CD44: variants seen among roughly 807,000 people sequenced by gnomAD.
CD44 encodes CD44 antigen.
A neutral mutation model predicts 88.8 loss-of-function variants in CD44; 49 were observed. That is an observed-to-expected ratio of 0.55 (90% CI 0.44 to 0.70). The LOEUF (loss-of-function observed/expected upper bound fraction) is 0.70, where lower values mean the gene tolerates loss of function less well. CD44 is among the 30% of genes least tolerant of loss of function. The probability of loss-of-function intolerance (pLI) is 0.00; values close to 1 mark genes in which losing one functional copy is unlikely to be tolerated. For missense variants in CD44, 883 were observed against 913.8 expected, an observed-to-expected ratio of 0.97 and a Z score of 0.43; for synonymous variants, 325 against 312.3, an observed-to-expected ratio of 1.04 and a Z score of -0.43.
chr11:35,211,670 TTGCA>T (rs1948400316), intron 14 of CD44, among the ~76,000 whole-genome samples: 1 of 100,668 alleles, frequency 9.9e-6, no homozygotes, highest in African/African-American at 5.8e-5. Context: ...TTGTCTGTGT[TTGCA>T]TGTGTGTGTG....
At chr11:35,188,945 A>T (rs140959562) in intron 4 of CD44, among the ~76,000 whole-genome samples, 2,134 of 152,254 alleles carry the variant, frequency 0.014, 20 homozygotes, top group Non-Finnish European at 0.02. Flanking sequence ...CTCGAAAAAA[A>T]AAAAAAGTTT....
chr11:35,163,328 G>A (rs1942875898), intron 1 of CD44, among the ~76,000 whole-genome samples: 1 of 151,968 alleles, frequency 6.6e-6, no homozygotes, highest in South Asian at 2.1e-4. Context: ...CTTGCATTCG[G>A]ATAAGCTTCT....
intron 17 of CD44, 125 bp downstream of exon 17, chr11:35,221,857 A>C: frequency 1.2e-6 from 1 of 858,632 alleles, no homozygotes; most frequent in Non-Finnish European, 2.0e-6. Context: ...AGTTTGTTGG[A>C]AATGCACAAT....
At chr11:35,189,147 T>C (rs1309109639) in intron 4 of CD44, among the ~76,000 whole-genome samples, 1 of 152,210 alleles carries the variant, frequency 6.6e-6, no homozygotes, top group Admixed American at 6.5e-5. Flanking sequence ...TCTAGTCATT[T>C]GTTGAAACCA....
At chr11:35,179,011 T>G (rs1286347277) in intron 2 of CD44, among the ~76,000 whole-genome samples, 1 of 152,172 alleles carries the variant, frequency 6.6e-6, no homozygotes, top group Admixed American at 6.5e-5. Flanking sequence ...CTCTTAGATA[T>G]ATGAAAACTT....
At chr11:35,152,776 G>T (rs1489928828) in intron 1 of CD44, among the ~76,000 whole-genome samples, 1 of 152,126 alleles carries the variant, frequency 6.6e-6, no homozygotes, top group African/African-American at 2.4e-5. Flanking sequence ...TCTTGGTTGT[G>T]CCACTTCCTA....
chr11:35,202,753 CA>C (rs1947434602), intron 9 of CD44, among the ~76,000 whole-genome samples: 1 of 152,126 alleles, frequency 6.6e-6, no homozygotes, highest in Non-Finnish European at 1.5e-5. Flanking sequence ...ATATATCCAG[CA>C]GATCTTACAT....
chr11:35,214,770 A>G (rs1479030265), intron 14 of CD44, 82 bp from the exon 15 acceptor site: 2 of 748,130 alleles, frequency 2.7e-6, no homozygotes, highest in Non-Finnish European at 4.1e-6. Context: ...GATAGGCTGT[A>G]TAAGAATGCA....
Position 35,195,974 on chromosome 11 carries a change from C to T in CD44, c.668-772C>T, listed in dbSNP as rs12420308. Among the ~76,000 whole-genome samples the T allele has an allele frequency of 7.2e-5, 11 of 152,180 alleles. No individual in the cohort carries two copies. The East Asian group carries it at 1.9e-3, about 27-fold the overall frequency. On this transcript the variant is annotated intron_variant, in intron 5 of 17. Transcript: ENST00000428726. ...CAATCTTCTACTTCTATGTCATTTTCCCTGTGTGTTGGATTGCTAAGATTA... is the reference window on the plus strand; with the variant it reads ...CAATCTTCTACTTCTATGTCATTTTTCCTGTGTGTTGGATTGCTAAGATTA...
At chr11:35,209,673 G>A (rs1202564829) in intron 12 of CD44, among the ~76,000 whole-genome samples, 1 of 152,140 alleles carries the variant, frequency 6.6e-6, no homozygotes, top group Non-Finnish European at 1.5e-5. Context: ...GAGCAATGCT[G>A]CAATTGAGCC....
chr11:35,174,968 G>T (rs1490748734), intron 1 of CD44, among the ~76,000 whole-genome samples: 2 of 152,194 alleles, frequency 1.3e-5, no homozygotes, highest in Non-Finnish European at 2.9e-5. Context: ...CCAGGCTGTT[G>T]TGAAGACACA....
intron 7 of CD44, among the ~76,000 whole-genome samples, chr11:35,200,141 C>G (rs899710573): frequency 6.6e-6 from 1 of 151,856 alleles, no homozygotes; most frequent in Non-Finnish European, 1.5e-5. Flanking sequence ...TGATTCTAAA[C>G]TTGATTTTTC....
chr11:35,207,671 A>C (rs528864707), intron 11 of CD44, among the ~76,000 whole-genome samples: 1 of 152,264 alleles, frequency 6.6e-6, no homozygotes, highest in East Asian at 1.9e-4. Flanking sequence ...AAAAGACTAA[A>C]GGGGGGAAGA....
chr11:35,228,436 G>C (rs570322832), intron 17 of CD44, among the ~76,000 whole-genome samples: 8 of 152,206 alleles, frequency 5.3e-5, no homozygotes, highest in African/African-American at 1.7e-4. Context: ...TGTTGACTGG[G>C]AGAGGAAGTT....
At chr11:35,163,841 G>A (rs995829267) in intron 1 of CD44, among the ~76,000 whole-genome samples, 2 of 152,134 alleles carry the variant, frequency 1.3e-5, no homozygotes, top group African/African-American at 4.8e-5. Context: ...GTGCAGCAAG[G>A]AGAGAGACAT....
At position 35,180,328 on chromosome 11, in the gene CD44, C is replaced by A. The variant is rs1209697633; in HGVS notation, c.288C>A (p.Ile96=). 1 of 1,614,022 alleles carries A rather than the reference C, an allele frequency of 6.2e-7. No homozygotes were observed. The highest frequency in any genetic ancestry group is 1.3e-5 in the African/African-American group (1 of 74,920). Residue 96 remains isoleucine (I), a synonymous_variant, in exon 3 of 18, where the codon ATC becomes ATA. Coordinates refer to ENST00000428726, the MANE Select transcript of CD44 (RefSeq NM_000610.4). ...VVIPRIHPNS[I]CAANNTGVYI... ...TTCCCCGGATCCACCCCAACTCCAT[C>A]TGTGCAGCAAACAACACAGGGGTGT...
At chr11:35,191,523 C>T (rs998560375) in intron 5 of CD44, among the ~76,000 whole-genome samples, 1 of 152,160 alleles carries the variant, frequency 6.6e-6, no homozygotes, top group African/African-American at 2.4e-5. Flanking sequence ...CTCACTGCTT[C>T]TTGGGTTCCC....
intron 2 of CD44, among the ~76,000 whole-genome samples, chr11:35,178,942 G>T (rs1302742055): frequency 2.6e-5 from 4 of 152,174 alleles, no homozygotes; most frequent in Non-Finnish European, 4.4e-5. Context: ...AGTCTCATGG[G>T]TTAGGATAAA....
At chr11:35,148,922 G>A (rs1166883684) in intron 1 of CD44, among the ~76,000 whole-genome samples, 1 of 150,946 alleles carries the variant, frequency 6.6e-6, no homozygotes, top group Non-Finnish European at 1.5e-5. Context: ...TTTCTCTATT[G>A]CTACTTGTAG....
Sources: allele counts gnomAD v4.1 joint callset (sites outside exome capture counted in the v4.1 genomes callset), GRCh38; gene constraint gnomAD v4.1.1; transcripts MANE v1.5; gene names NCBI Gene and HGNC (gene_info 2026-07-23, HGNC 2026-07-21).